The following TREX1 variants were observed in gnomAD, a reference collection of about 807,000 sequenced individuals.
TREX1 encodes three-prime repair exonuclease 1.
A neutral mutation model predicts 13.7 loss-of-function variants in TREX1; 11 were observed. The observed-to-expected ratio is 0.80, with a 90% confidence interval of 0.51 to 1.33. TREX1 has a LOEUF of 1.33. Ranked by LOEUF, TREX1 falls within the 40% of genes most tolerant of loss-of-function variation. The pLI is 0.00. For missense variants in TREX1, 409 were observed against 404.4 expected, an observed-to-expected ratio of 1.01 and a Z score of -0.10; for synonymous variants, 178 against 178.8, an observed-to-expected ratio of 1.00 and a Z score of 0.03.
Position 48,466,560 on chromosome 3 carries a change from C to G in TREX1, c.-26-70C>G, listed in dbSNP as rs190918078. On this transcript the variant is annotated intron_variant, in intron 1 of 1. Coordinates refer to ENST00000625293, the MANE Select transcript of TREX1 (RefSeq NM_033629.6). ...GCCTGAGATGTGCTTCTGCCCACCCCCTACCCCACTCCCTCCCCTTCGGAT... is the reference window on the plus strand; with the variant it reads ...GCCTGAGATGTGCTTCTGCCCACCCGCTACCCCACTCCCTCCCCTTCGGAT... 5.5e-5 allele frequency: 89 copies of G among 1,613,986 alleles called. 2 individuals carry two copies. The East Asian group carries it at 1.8e-3, about 34-fold the overall frequency.
In TREX1 at chr3:48,466,646, G is replaced by A. The variant is rs564485570; in HGVS notation, c.-10G>A. 41 of 1,613,766 alleles carry A rather than the reference G, an allele frequency of 2.5e-5. No homozygotes were observed. The highest frequency in any genetic ancestry group is 1.2e-4 in the African/African-American group (9 of 74,826). ...CCTCTCCAGGCTCAGCAGCAGGTAC[G>A]TACCCAACCATGGGCTCGCAGGCCC... On this transcript the variant is annotated 5_prime_UTR_variant, in exon 2 of 2. Transcript: ENST00000625293.
chr3:48,467,281 A>G lies in TREX1; in HGVS notation c.626A>G (p.Gln209Arg). 2 of 1,614,138 alleles carry G rather than the reference A, an allele frequency of 1.2e-6. No homozygotes were observed. The highest frequency in any genetic ancestry group is 8.5e-7 in the Non-Finnish European group (1 of 1,180,024). ...GTCCTGGCCCTGCTCAGCATCTGTC[A>G]GTGGAGACCACAGGCCCTGCTGCGG... ...GDVLALLSICQWRPQALLRWV... is the reference protein window; with the variant it reads ...GDVLALLSICRWRPQALLRWV... The change falls in exon 2 of 2, where the codon CAG becomes CGG. Residue 209 changes from glutamine to arginine, a missense_variant. By Grantham distance (43) the Gln-to-Arg change is conservative. Transcript: ENST00000625293.
Position 48,467,327 on chromosome 3 carries a change from G to A in TREX1, c.672G>A (p.Arg224=), listed in dbSNP as rs752018190. ...TGCGGTGGGTGGATGCTCACGCCAG[G>A]CCTTTCGGCACCATCAGGCCCATGT... ...ALLRWVDAHA[R]PFGTIRPMYG... is the part of the protein sequence containing the mutation. The change falls in exon 2 of 2, where the codon AGG becomes AGA. Residue 224 remains arginine (R), a synonymous_variant. Transcript: ENST00000625293. 3.1e-6 allele frequency: 5 copies of A among 1,614,158 alleles called. No homozygotes were observed. In the South Asian group the frequency reaches 3.3e-5, roughly 11 times the overall value.
In TREX1 at chr3:48,467,597, G is replaced by T; in HGVS notation, c.942G>T (p.Glu314Asp). Residue 314 changes from glutamate (E) to aspartate (D), a missense_variant, in exon 2 of 2, where the codon GAG becomes GAT. Physicochemically the swap from Glu to Asp is conservative, Grantham distance 45 (BLOSUM62 2). Transcript: ENST00000625293. ...LYGLSLATPGE is the reference protein window; with the variant it reads ...LYGLSLATPGD ...GACTATCCCTGGCCACACCTGGGGA[G>T]TAGGCCAAGAAGGAAAATCTGACGA... 6.2e-7 allele frequency: 1 copy of T among 1,610,280 alleles called. No individual in the cohort carries two copies. The highest frequency in any genetic ancestry group is 8.5e-7 in the Non-Finnish European group (1 of 1,177,806).
Position 48,467,180 on chromosome 3 carries a change from GAGCTAT to G in TREX1, c.529_534del (p.Tyr177_Ser178del), listed in dbSNP as rs1268697845. ...GCCCCTCAGAACACGGCCCAAGGAAGAGCTATAGCCTAGGCAGCATCTACACTCGCC... is the reference window on the plus strand; with the variant it reads ...GCCCCTCAGAACACGGCCCAAGGAAGAGCCTAGGCAGCATCTACACTCGCC... On this transcript the variant is annotated inframe_deletion, in exon 2 of 2. Transcript: ENST00000625293. 2 of 1,613,862 alleles carry G rather than the reference GAGCTAT, an allele frequency of 1.2e-6. No individual in the cohort carries two copies. The highest frequency in any genetic ancestry group is 3.3e-5 in the Admixed American group (2 of 60,018).
At position 48,466,677 on chromosome 3, in the gene TREX1, C is replaced by G. The variant is rs754382930; in HGVS notation, c.22C>G (p.Pro8Ala). Reference sequence around the variant, plus strand: ...AACCATGGGCTCGCAGGCCCTGCCCCCGGGGCCCATGCAGACCCTCATCTT... The same window carrying G: ...AACCATGGGCTCGCAGGCCCTGCCCGCGGGGCCCATGCAGACCCTCATCTT... MGSQALPPGPMQTLIFFD... is the reference protein window; with the variant it reads MGSQALPAGPMQTLIFFD... The change falls in exon 2 of 2, where the codon CCG becomes GCG. Residue 8 changes from proline to alanine, a missense_variant. Physicochemically the swap from Pro to Ala is conservative, Grantham distance 27. Transcript: ENST00000625293. 1.2e-5 allele frequency: 19 copies of G among 1,613,994 alleles called. No individual in the cohort carries two copies. The highest frequency in any genetic ancestry group is 1.5e-5 in the Non-Finnish European group (18 of 1,180,022).
chr3:48,467,601 G>A lies in TREX1; in HGVS notation c.*1G>A. ...ATCCCTGGCCACACCTGGGGAGTAG[G>A]CCAAGAAGGAAAATCTGACGAATAA... On this transcript the variant is annotated 3_prime_UTR_variant, in exon 2 of 2. Transcript: ENST00000625293. The A allele has an allele frequency of 6.2e-7, 1 of 1,609,534 alleles. No homozygotes were observed. Among genetic ancestry groups the A allele is most frequent in the Non-Finnish European group, 8.5e-7 (1 of 1,177,462 alleles).
Position 48,466,719 on chromosome 3 carries a change from A to G in TREX1, c.64A>G (p.Thr22Ala), listed in dbSNP as rs1472348056. 6.2e-7 allele frequency: 1 copy of G among 1,613,934 alleles called. No individual in the cohort carries two copies. Among genetic ancestry groups the G allele is most frequent in the Non-Finnish European group, 8.5e-7 (1 of 1,180,012 alleles). ...QTLIFFDMEA[T>A]GLPFSQPKVT... ...CCTCATCTTTTTCGACATGGAGGCC[A>G]CTGGCTTGCCCTTCTCCCAGCCCAA... Residue 22 changes from threonine to alanine, a missense_variant, in exon 2 of 2, where the codon ACT (threonine) becomes GCT (alanine). By Grantham distance (58) the Thr-to-Ala change is moderately conservative. Coordinates refer to ENST00000625293, the MANE Select transcript of TREX1 (RefSeq NM_033629.6).
chr3:48,465,987 G>A (rs1018047172), upstream of TREX1: 3 of 296,136 alleles, frequency 1.0e-5, no homozygotes, highest in African/African-American at 2.2e-5. Flanking sequence ...GTGTAAGACC[G>A]GGAGCTGGTC....
chr3:48,467,138 C>T lies in TREX1; in HGVS notation c.483C>T (p.Ala161=). The T allele has an allele frequency of 6.2e-7, 1 of 1,613,998 alleles. No homozygotes were observed. Among genetic ancestry groups the T allele is most frequent in the Non-Finnish European group, 8.5e-7 (1 of 1,180,024 alleles). The change falls in exon 2 of 2, where the codon GCC becomes GCT. Residue 161 remains alanine (A), a synonymous_variant. Transcript: ENST00000625293. ...TGGATAGCATCACTGCGCTGAAGGC[C>T]CTGGAGCGAGCAAGCAGCCCCTCAG... ...FCVDSITALK[A]LERASSPSEH...
rs531702332 is a variant in TREX1, at chr3:48,467,236, C to T, written c.581C>T (p.Ser194Leu). ...TRLYGQSPPD[S>L]HTAEGDVLAL... Reference sequence around the variant, plus strand: ...CTGTATGGGCAGTCCCCTCCAGACTCGCACACGGCTGAGGGTGATGTCCTG... The same window carrying T: ...CTGTATGGGCAGTCCCCTCCAGACTTGCACACGGCTGAGGGTGATGTCCTG... The change falls in exon 2 of 2, where the codon TCG becomes TTG. Residue 194 changes from serine to leucine, a missense_variant. Transcript: ENST00000625293. 1.1e-5 allele frequency: 17 copies of T among 1,614,120 alleles called. No homozygotes were observed. Among genetic ancestry groups the T allele is most frequent in the African/African-American group, 4.0e-5 (3 of 75,060 alleles).
chr3:48,466,823 A>T lies in TREX1; in HGVS notation c.168A>T (p.Thr56=), dbSNP rs770441459. Residue 56 remains threonine, a synonymous_variant, in exon 2 of 2, where the codon ACA becomes ACT. Transcript: ENST00000625293. Reference sequence around the variant, plus strand: ...CCACCTCTCAGGGGCCACCTCCCACAGTTCCTCCACCACCGCGTGTGGTAG... The same window carrying T: ...CCACCTCTCAGGGGCCACCTCCCACTGTTCCTCCACCACCGCGTGTGGTAG... The part of the protein sequence containing the change: ...SPPTSQGPPP[T]VPPPPRVVDK... 10 of 1,613,810 alleles carry T rather than the reference A, an allele frequency of 6.2e-6. No homozygotes were observed. The Admixed American group carries it at 1.0e-4, about 16-fold the overall frequency.
rs1369028683 is a variant in TREX1, at chr3:48,467,415, C to A, written c.760C>A (p.Leu254Met). The A allele has an allele frequency of 1.2e-6, 2 of 1,614,218 alleles. No individual in the cohort carries two copies. The highest frequency in any genetic ancestry group is 3.3e-4 in the Middle Eastern group (2 of 6,062). The change falls in exon 2 of 2, where the codon CTG becomes ATG. Residue 254 changes from leucine (L) to methionine (M), a missense_variant. Physicochemically the swap from Leu to Met is conservative, Grantham distance 15 (BLOSUM62 2). Coordinates refer to ENST00000625293, the MANE Select transcript of TREX1 (RefSeq NM_033629.6). ...RPSAVTTTAHLATTRNTSPSL... is the reference protein window; with the variant it reads ...RPSAVTTTAHMATTRNTSPSL... ...ATCTGCTGTCACAACCACTGCACAC[C>A]TGGCCACAACCAGGAACACTAGTCC...
At position 48,467,070 on chromosome 3, in the gene TREX1, G is replaced by A; in HGVS notation, c.415G>A (p.Ala139Thr). ...YDFPLLQAEL[A>T]MLGLTSALDG... ...CTTCCCCCTGCTCCAAGCAGAGCTGGCTATGCTGGGCCTCACCAGTGCTCT... is the reference window on the plus strand; with the variant it reads ...CTTCCCCCTGCTCCAAGCAGAGCTGACTATGCTGGGCCTCACCAGTGCTCT... Residue 139 changes from alanine (A) to threonine (T), a missense_variant, in exon 2 of 2, where the codon GCT becomes ACT. By Grantham distance (58) the Ala-to-Thr change is moderately conservative. Coordinates refer to ENST00000625293, the MANE Select transcript of TREX1 (RefSeq NM_033629.6). 6.2e-7 allele frequency: 1 copy of A among 1,613,988 alleles called. No individual in the cohort carries two copies. The highest frequency in any genetic ancestry group is 2.2e-5 in the East Asian group (1 of 44,876).
intron 1 of TREX1, 113 bp from the exon 2 acceptor site, chr3:48,466,517 C>T (rs753504341): frequency 2.5e-5 from 40 of 1,613,928 alleles, no homozygotes; most frequent in Non-Finnish European, 3.3e-5. Flanking sequence ...GCAGACAGGG[C>T]AGGATTGTGC....
Position 48,466,826 on chromosome 3 carries a change from TCCTC to T in TREX1, c.173_176del (p.Pro58HisfsTer6), listed in dbSNP as rs1156394177. The T allele has an allele frequency of 1.9e-6, 3 of 1,613,694 alleles. No homozygotes were observed. The highest frequency in any genetic ancestry group is 1.6e-4 in the Middle Eastern group (1 of 6,084). On this transcript the variant is annotated frameshift_variant, in exon 2 of 2. Coordinates refer to ENST00000625293, the MANE Select transcript of TREX1 (RefSeq NM_033629.6). LOFTEE classifies it high-confidence loss of function. ...CCTCTCAGGGGCCACCTCCCACAGT[TCCTC>T]CACCACCGCGTGTGGTAGACAAGCT...
rs766391748 is a variant in TREX1, at chr3:48,467,124, A to G, written c.469A>G (p.Thr157Ala). The G allele has an allele frequency of 1.9e-6, 3 of 1,613,800 alleles. No individual in the cohort carries two copies. The highest frequency in any genetic ancestry group is 2.2e-5 in the East Asian group (1 of 44,870). The change falls in exon 2 of 2, where the codon ACT (threonine) becomes GCT (alanine). Residue 157 changes from threonine (T) to alanine (A), a missense_variant. Coordinates refer to ENST00000625293, the MANE Select transcript of TREX1 (RefSeq NM_033629.6). ...TGGTGCCTTCTGTGTGGATAGCATC[A>G]CTGCGCTGAAGGCCCTGGAGCGAGC... ...LDGAFCVDSI[T>A]ALKALERASS...
Position 48,466,709 on chromosome 3 carries a change from C to T in TREX1, c.54C>T (p.Asp18=). 3 of 1,614,118 alleles carry T rather than the reference C, an allele frequency of 1.9e-6. No individual in the cohort carries two copies. Among genetic ancestry groups the T allele is most frequent in the Non-Finnish European group, 2.5e-6 (3 of 1,180,014 alleles). Residue 18 remains aspartate (D), a synonymous_variant, in exon 2 of 2, where the codon GAC becomes GAT. Coordinates refer to ENST00000625293, the MANE Select transcript of TREX1 (RefSeq NM_033629.6). The stretch of plus-strand genomic sequence containing the variant: ...CCATGCAGACCCTCATCTTTTTCGA[C>T]ATGGAGGCCACTGGCTTGCCCTTCT... ...PGPMQTLIFF[D]MEATGLPFSQ...
Position 48,467,310 on chromosome 3 carries a change from G to T in TREX1, c.655G>T (p.Val219Leu), listed in dbSNP as rs1297546144. The change falls in exon 2 of 2, where the codon GTG becomes TTG. Residue 219 changes from valine (V) to leucine (L), a missense_variant. By Grantham distance (32) the Val-to-Leu change is conservative. Transcript: ENST00000625293. ...QWRPQALLRWVDAHARPFGTI... is the reference protein window; with the variant it reads ...QWRPQALLRWLDAHARPFGTI... ...GAGACCACAGGCCCTGCTGCGGTGGGTGGATGCTCACGCCAGGCCTTTCGG... is the reference window on the plus strand; with the variant it reads ...GAGACCACAGGCCCTGCTGCGGTGGTTGGATGCTCACGCCAGGCCTTTCGG... The T allele has an allele frequency of 6.2e-7, 1 of 1,614,156 alleles. No homozygotes were observed. The highest frequency in any genetic ancestry group is 2.2e-5 in the East Asian group (1 of 44,884).
Sources: gnomAD v4.1 joint callset for allele counts on GRCh38, gnomAD v4.1.1 for gene constraint, MANE v1.5 for transcripts, NCBI Gene and HGNC (gene_info 2026-07-23, HGNC 2026-07-21) for gene names.